MAGI1: variants seen among roughly 807,000 people sequenced by gnomAD.
MAGI1 encodes membrane-associated guanylate kinase, WW and PDZ domain-containing protein 1.
In MAGI1, 58 loss-of-function variants were observed where a neutral mutation model predicts 139.9. That is an observed-to-expected ratio of 0.41 (90% CI 0.34 to 0.52). MAGI1 has a LOEUF of 0.52. MAGI1 is among the 20% of genes least tolerant of loss of function. The probability of loss-of-function intolerance (pLI) is 0.12; values close to 1 mark genes in which losing one functional copy is unlikely to be tolerated. For missense variants in MAGI1, 1,874 were observed against 1,901.6 expected (o/e 0.99, Z 0.27); for synonymous variants, 812 against 737.9 (o/e 1.10, Z -1.63).
chr3:65,435,468 GTGGA>G (rs10681942), intron 10 of MAGI1, among the ~76,000 whole-genome samples: 52 of 149,652 alleles, frequency 3.5e-4, no homozygotes, highest in South Asian at 6.4e-4. Flanking sequence ...ATATGTATAT[GTGGA>G]TGGATGGATG....
chr3:65,994,645 C>T (rs2066347905), intron 1 of MAGI1, among the ~76,000 whole-genome samples: 2 of 152,194 alleles, frequency 1.3e-5, no homozygotes, highest in South Asian at 4.1e-4. Flanking sequence ...GTCTCAGCTC[C>T]CTGAGCTATC....
intron 1 of MAGI1, among the ~76,000 whole-genome samples, chr3:65,760,390 T>C (rs75589422): frequency 7.7e-5 from 7 of 91,478 alleles, no homozygotes; most frequent in African/African-American, 2.8e-4. Flanking sequence ...GAGCGGTAAT[T>C]TTTTTTTTTT....
chr3:65,763,829 G>T (rs2037241947), intron 1 of MAGI1, among the ~76,000 whole-genome samples: 1 of 151,976 alleles, frequency 6.6e-6, no homozygotes, highest in African/African-American at 2.4e-5. Flanking sequence ...CCAGCACTTT[G>T]GGAGGCTGAG....
intron 1 of MAGI1, among the ~76,000 whole-genome samples, chr3:65,834,312 G>A (rs922944371): frequency 2.6e-5 from 4 of 152,178 alleles, no homozygotes; most frequent in African/African-American, 9.7e-5. Context: ...TCTGAGGGAA[G>A]AGCATTCCAC....
intron 1 of MAGI1, among the ~76,000 whole-genome samples, chr3:65,849,483 ATAT>A (rs1474963711): frequency 7.0e-6 from 1 of 142,828 alleles, no homozygotes; most frequent in Non-Finnish European, 1.5e-5. Flanking sequence ...ATATATATAT[ATAT>A]CATCAAATAT....
chr3:65,608,564 C>T (rs546850648), intron 2 of MAGI1, among the ~76,000 whole-genome samples: 1 of 151,916 alleles, frequency 6.6e-6, no homozygotes, highest in Non-Finnish European at 1.5e-5. Flanking sequence ...CAGAAAAATG[C>T]AAATTAAGAT....
At chr3:65,510,245 G>A (rs991377786) in intron 2 of MAGI1, among the ~76,000 whole-genome samples, 27 of 152,316 alleles carry the variant, frequency 1.8e-4, no homozygotes, top group East Asian at 5.8e-4. Flanking sequence ...AACGCAGAGC[G>A]CCTCTCCTCC....
intron 1 of MAGI1, among the ~76,000 whole-genome samples, chr3:65,863,356 G>T (rs2059616709): frequency 6.6e-6 from 1 of 152,190 alleles, no homozygotes; most frequent in Non-Finnish European, 1.5e-5. Context: ...GGAGAGAGAG[G>T]CTAAGAGCCT....
At chr3:65,788,809 G>GA (rs1553707461) in intron 1 of MAGI1, among the ~76,000 whole-genome samples, 1 of 152,170 alleles carries the variant, frequency 6.6e-6, no homozygotes, top group Non-Finnish European at 1.5e-5. Context: ...GTTGCTCAGT[G>GA]AAAACACAAG....
intron 1 of MAGI1, among the ~76,000 whole-genome samples, chr3:65,698,249 T>C (rs1374529917): frequency 1.5e-5 from 2 of 131,264 alleles, no homozygotes; most frequent in Admixed American, 7.2e-5. Context: ...TGGAAGAACA[T>C]TCCATGCTCA....
At chr3:65,967,478 A>T (rs1320053489) in intron 1 of MAGI1, among the ~76,000 whole-genome samples, 1 of 152,142 alleles carries the variant, frequency 6.6e-6, no homozygotes, top group Non-Finnish European at 1.5e-5. Flanking sequence ...AAAGTAACCC[A>T]GTTAAAATCT....
At chr3:65,520,565 TTAA>T (rs1279686674) in intron 2 of MAGI1, among the ~76,000 whole-genome samples, 1 of 152,194 alleles carries the variant, frequency 6.6e-6, no homozygotes, top group East Asian at 1.9e-4. Context: ...TGCCTGACAC[TTAA>T]TGAGTACTCA....
At chr3:65,872,851 C>T (rs1336945616) in intron 1 of MAGI1, 1 of 152,042 alleles carries the variant, frequency 6.6e-6, no homozygotes, top group East Asian at 1.9e-4. Context: ...AGTTCATGAG[C>T]AGGCAAAACA....
At chr3:66,019,902 A>G (rs1223753081) in intron 1 of MAGI1, among the ~76,000 whole-genome samples, 1 of 147,800 alleles carries the variant, frequency 6.8e-6, no homozygotes, top group Admixed American at 7.0e-5. Context: ...TCTCTTCTCA[A>G]CAGCACCTCC....
intron 7 of MAGI1, 124 bp downstream of exon 7, chr3:65,447,898 T>C (rs1345745162): frequency 6.2e-6 from 7 of 1,123,528 alleles, no homozygotes; most frequent in Non-Finnish European, 9.5e-6. Context: ...TAAGCTAGAA[T>C]GAAAATCATA....
intron 2 of MAGI1, among the ~76,000 whole-genome samples, chr3:65,611,389 C>G (rs1464291113): frequency 7.0e-6 from 1 of 142,344 alleles, no homozygotes; most frequent in Non-Finnish European, 1.5e-5. Context: ...ATACAGAACA[C>G]TGTATACTGT....
intron 2 of MAGI1, among the ~76,000 whole-genome samples, chr3:65,505,983 G>A (rs1188754868): frequency 1.3e-5 from 2 of 152,088 alleles, no homozygotes; most frequent in East Asian, 1.9e-4. Flanking sequence ...TTTAACAGCT[G>A]CTTTCATTAG....
At chr3:65,364,791 T>G in intron 19 of MAGI1, 62 bp downstream of exon 19, 1 of 1,605,848 alleles carries the variant, frequency 6.2e-7, no homozygotes, top group Non-Finnish European at 8.5e-7. Flanking sequence ...ATCAAGGACA[T>G]ATATTGTCAT....
Position 65,984,988 on chromosome 3 carries a change from C to T in MAGI1, c.313+53008G>A, listed in dbSNP as rs78099342. Among the ~76,000 whole-genome samples, 24 of 152,230 alleles carry T rather than the reference C, an allele frequency of 1.6e-4. No homozygotes were observed. The East Asian group carries it at 4.6e-3, about 29-fold the overall frequency. On this transcript the variant is annotated intron_variant, in intron 1 of 22. Transcript: ENST00000402939. Reference sequence around the variant, plus strand: ...GTTCATTTAAAATGGGGCAGAGGCCCCAGGCCTTCTAACTCTCCATCCAGT... The same window carrying T: ...GTTCATTTAAAATGGGGCAGAGGCCTCAGGCCTTCTAACTCTCCATCCAGT...
Sources: allele counts gnomAD v4.1 joint callset (sites outside exome capture counted in the v4.1 genomes callset), GRCh38; gene constraint gnomAD v4.1.1; transcripts MANE v1.5; gene names NCBI Gene and HGNC (gene_info 2026-07-23, HGNC 2026-07-21).